Variants in KCNMA1 observed in about 807,000 individuals in gnomAD.
KCNMA1 encodes the protein Calcium-activated potassium channel subunit alpha-1.
Under a neutral mutation model 140.0 loss-of-function variants are expected in KCNMA1, and 29 were observed. That is an observed-to-expected ratio of 0.21 (90% CI 0.15 to 0.28). KCNMA1 has a LOEUF of 0.28. Ranked by LOEUF, KCNMA1 falls within the 10% of genes least tolerant of loss-of-function variation. The probability of loss-of-function intolerance (pLI) is 1.00; values close to 1 mark genes in which losing one functional copy is unlikely to be tolerated. For synonymous variants in KCNMA1, 612 were observed against 611.9 expected (o/e 1.00, Z 0.00); for missense variants, 880 against 1,602.2 (o/e 0.55, Z 7.70).
chr10:77,449,682 G>A (rs536527846), intron 1 of KCNMA1, among the ~76,000 whole-genome samples: 2 of 126,964 alleles, frequency 1.6e-5, no homozygotes, highest in Non-Finnish European at 3.1e-5. Context: ...TCACTTTGTC[G>A]CCCAGGCTGG....
intron 2 of KCNMA1, among the ~76,000 whole-genome samples, chr10:77,338,284 T>C (rs527486096): frequency 6.6e-6 from 1 of 152,290 alleles, no homozygotes; most frequent in Admixed American, 6.5e-5. Flanking sequence ...GCCTTTTATA[T>C]ACCCATCTCC....
chr10:77,178,193 T>C (rs1441216816), intron 5 of KCNMA1, among the ~76,000 whole-genome samples: 2 of 152,148 alleles, frequency 1.3e-5, no homozygotes, highest in Non-Finnish European at 1.5e-5. Context: ...CCAATGACCA[T>C]GGTCCCTTAT....
intron 1 of KCNMA1, 75 bp downstream of exon 1, chr10:77,637,190 G>A: frequency 7.2e-7 from 1 of 1,383,224 alleles, no homozygotes; most frequent in African/African-American, 1.4e-5. Context: ...GGCGCGGAGC[G>A]AGGAGGTGGG....
At chr10:77,451,765 C>A (rs1432542706) in intron 1 of KCNMA1, among the ~76,000 whole-genome samples, 1 of 152,154 alleles carries the variant, frequency 6.6e-6, no homozygotes, top group Non-Finnish European at 1.5e-5. Context: ...ATCAGGGCAC[C>A]TATATTTCTA....
At chr10:77,546,153 T>C (rs1489578580) in intron 1 of KCNMA1, among the ~76,000 whole-genome samples, 1 of 152,150 alleles carries the variant, frequency 6.6e-6, no homozygotes, top group Non-Finnish European at 1.5e-5. Context: ...TCTCACTCCC[T>C]TCTCATTTGG....
chr10:76,883,216 G>A (rs936062616), downstream of KCNMA1, among the ~76,000 whole-genome samples: 1 of 152,100 alleles, frequency 6.6e-6, no homozygotes, highest in Non-Finnish European at 1.5e-5. Context: ...GCATCATAAG[G>A]CATGTAGAGG....
intron 1 of KCNMA1, among the ~76,000 whole-genome samples, chr10:77,608,306 G>A (rs1481376883): frequency 6.6e-6 from 1 of 152,156 alleles, no homozygotes; most frequent in Non-Finnish European, 1.5e-5. Context: ...AAGAGTAGCT[G>A]GGACTACGGG....
At position 77,042,704 on chromosome 10, in the gene KCNMA1, C is replaced by G. The variant is rs1292328651; in HGVS notation, c.1750-3067G>C. 2.0e-5 allele frequency among the ~76,000 whole-genome samples: 3 copies of G among 152,052 alleles called. No homozygotes were observed. In the East Asian group the frequency reaches 5.8e-4, roughly 29 times the overall value. On this transcript the variant is annotated intron_variant, in intron 14 of 27. Transcript: ENST00000286628. ...TTTAGTTTTGGTCAGAATTTTCATG[C>G]CTTTATGTCCTAATGAAGCTATTCT...
intron 2 of KCNMA1, among the ~76,000 whole-genome samples, chr10:77,282,155 C>T (rs940804104): frequency 1.3e-5 from 2 of 152,192 alleles, no homozygotes; most frequent in Non-Finnish European, 2.9e-5. Context: ...CACTTTCCTC[C>T]CATCCCTTAG....
intron 18 of KCNMA1, among the ~76,000 whole-genome samples, chr10:77,002,455 T>TG (rs2086798306): frequency 6.6e-6 from 1 of 152,242 alleles, no homozygotes; most frequent in Non-Finnish European, 1.5e-5. Context: ...ATCAGGCTAT[T>TG]GGTTAATCAT....
intron 5 of KCNMA1, among the ~76,000 whole-genome samples, chr10:77,155,369 CCCA>C (rs1467236707): frequency 6.6e-6 from 1 of 152,166 alleles, no homozygotes; most frequent in Non-Finnish European, 1.5e-5. Flanking sequence ...TCATTTTATT[CCCA>C]CAACACCTTA....
chr10:77,186,238 C>T (rs1399871679), intron 3 of KCNMA1, among the ~76,000 whole-genome samples: 1 of 152,036 alleles, frequency 6.6e-6, no homozygotes, highest in African/African-American at 2.4e-5. Context: ...TGCTACAAGT[C>T]AAACATGCCC....
chr10:77,526,878 C>T (rs2055930425), intron 1 of KCNMA1, among the ~76,000 whole-genome samples: 1 of 152,096 alleles, frequency 6.6e-6, no homozygotes, highest in African/African-American at 2.4e-5. Context: ...CTCCATATCT[C>T]CCCCTCTCTA....
At position 77,344,500 on chromosome 10, in the gene KCNMA1, C is replaced by A. The variant is rs1195229619; in HGVS notation, c.540+59362G>T. ...TAATTATCTTGAAGCTTATTTGGTC[C>A]CAGAATCAATCTTTATTTAACCGTA... On this transcript the variant is annotated intron_variant, in intron 2 of 27. Transcript: ENST00000286628. Among the ~76,000 whole-genome samples the A allele has an allele frequency of 2.6e-5, 4 of 152,126 alleles. No individual in the cohort carries two copies. In the East Asian group the frequency reaches 7.7e-4, roughly 29 times the overall value.
intron 1 of KCNMA1, among the ~76,000 whole-genome samples, chr10:77,464,542 T>C (rs2154525899): frequency 6.6e-6 from 1 of 152,294 alleles, no homozygotes; most frequent in South Asian, 2.1e-4. Flanking sequence ...GCATTTCATC[T>C]GGAAATCCCT....
At chr10:77,030,038 T>TGAAG (rs1291735143) in intron 15 of KCNMA1, among the ~76,000 whole-genome samples, 1 of 152,240 alleles carries the variant, frequency 6.6e-6, no homozygotes, top group African/African-American at 2.4e-5. Flanking sequence ...AAAGTGCTGC[T>TGAAG]GAAGGCCTCA....
chr10:77,386,863 G>C (rs1019806280), intron 2 of KCNMA1, among the ~76,000 whole-genome samples: 2 of 152,190 alleles, frequency 1.3e-5, no homozygotes, highest in East Asian at 3.8e-4. Context: ...ATTAAGATGT[G>C]AGCATGAATA....
chr10:76,871,135 T>C (rs1429635078), exon 28 of KCNMA1: 6 of 152,388 alleles, frequency 3.9e-5, no homozygotes, highest in African/African-American at 1.4e-4. Context: ...ACTTTCTAAG[T>C]GCCTCTGTGG....
At chr10:77,465,303 C>A (rs1211459832) in intron 1 of KCNMA1, among the ~76,000 whole-genome samples, 2 of 152,202 alleles carry the variant, frequency 1.3e-5, no homozygotes, top group Non-Finnish European at 2.9e-5. Flanking sequence ...GACCCAGGGG[C>A]ACCAGTCAGT....
Sources: gnomAD v4.1 joint callset for allele counts (sites outside exome capture counted in the v4.1 genomes callset) on GRCh38, gnomAD v4.1.1 for gene constraint, MANE v1.5 for transcripts, NCBI Gene and HGNC (gene_info 2026-07-23, HGNC 2026-07-21) for gene names.